CFAP20: variants seen among roughly 807,000 people sequenced by gnomAD.
CFAP20 encodes cilia and flagella associated protein 20.
CFAP20 carries 14 observed loss-of-function variants against 25.5 expected under a neutral mutation model. The observed-to-expected ratio is 0.55, with a 90% confidence interval of 0.36 to 0.86. CFAP20 has a LOEUF of 0.86. CFAP20 is among the 40% of genes least tolerant of loss of function. The pLI is 0.01. For missense variants in CFAP20, 181 were observed against 248.0 expected (o/e 0.73, Z 1.81); for synonymous variants, 75 against 91.1 (o/e 0.82, Z 1.01).
chr16:58,122,465 C>T (rs1384482581), intron 1 of CFAP20, among the ~76,000 whole-genome samples: 1 of 151,986 alleles, frequency 6.6e-6, no homozygotes, highest in African/African-American at 2.4e-5. Flanking sequence ...GCCTGTAATC[C>T]CAGCTACTCA....
Position 58,129,056 on chromosome 16 carries a change from C to G in CFAP20, c.60G>C (p.Lys20Asn). ...CCTTTTTGTCCCAGATTTGCAGAGG[C>G]TTGCTGCCGATGCTGTAGAGGATGG... ...FLSILYSIGS[K>N]PLQIWDKKVR... Residue 20 changes from lysine (K) to asparagine (N), a missense_variant, in exon 1 of 6, where the codon AAG becomes AAC. Physicochemically the swap from Lys to Asn is moderately conservative, Grantham distance 94. Coordinates refer to ENST00000262498, the MANE Select transcript of CFAP20 (RefSeq NM_013242.3). 1 of 1,613,172 alleles carries G rather than the reference C, an allele frequency of 6.2e-7. No individual in the cohort carries two copies. Among genetic ancestry groups the G allele is most frequent in the Non-Finnish European group, 8.5e-7 (1 of 1,179,750 alleles).
In CFAP20 at chr16:58,115,290, G is replaced by A; in HGVS notation, c.444C>T (p.Tyr148=). ...DFTRRAYGTN[Y]IETLRVQIHA... is the part of the protein sequence containing the mutation. Reference sequence around the variant, plus strand: ...GTACCTGCACTCTGAGGGTCTCGATGTAATTGGTGCCGTATGCTCGCCGTG... The same window carrying A: ...GTACCTGCACTCTGAGGGTCTCGATATAATTGGTGCCGTATGCTCGCCGTG... Residue 148 remains tyrosine (Y), a synonymous_variant, in exon 4 of 6, where the codon TAC becomes TAT. Transcript: ENST00000262498. The A allele has an allele frequency of 1.9e-6, 3 of 1,614,226 alleles. No individual in the cohort carries two copies. The highest frequency in any genetic ancestry group is 8.5e-7 in the Non-Finnish European group (1 of 1,180,030).
intron 1 of CFAP20, 50 bp from the exon 2 acceptor site, chr16:58,117,001 T>G: frequency 1.3e-6 from 2 of 1,564,330 alleles, no homozygotes; most frequent in Non-Finnish European, 1.8e-6. Flanking sequence ...CAAGGCTGAA[T>G]AGGACTATTT....
chr16:58,124,867 T>G (rs899075296), intron 1 of CFAP20, among the ~76,000 whole-genome samples: 1 of 152,206 alleles, frequency 6.6e-6, no homozygotes, highest in Non-Finnish European at 1.5e-5. Context: ...GCTTTAGTTA[T>G]TTAGTTAGTG....
Position 58,116,160 on chromosome 16 carries a change from G to C in CFAP20, c.165-8C>G, listed in dbSNP as rs1567446913. On this transcript the variant is annotated splice_polypyrimidine_tract_variant and splice_region_variant and intron_variant, in intron 2 of 5. Coordinates refer to ENST00000262498, the MANE Select transcript of CFAP20 (RefSeq NM_013242.3). ...CATGTGATATATGTGGTGCTGTAGA[G>C]AGAGGAAATACTAATAAACACACTC... The C allele has an allele frequency of 6.3e-7, 1 of 1,581,724 alleles. No individual in the cohort carries two copies. Among genetic ancestry groups the C allele is most frequent in the Non-Finnish European group, 8.7e-7 (1 of 1,150,874 alleles).
At chr16:58,126,243 A>C (rs1960608696) in intron 1 of CFAP20, among the ~76,000 whole-genome samples, 1 of 152,206 alleles carries the variant, frequency 6.6e-6, no homozygotes, top group Non-Finnish European at 1.5e-5. Flanking sequence ...AGCCACAGGC[A>C]CACCCATGAG....
At chr16:58,126,306 G>A (rs1960609806) in intron 1 of CFAP20, among the ~76,000 whole-genome samples, 1 of 152,182 alleles carries the variant, frequency 6.6e-6, no homozygotes, top group Admixed American at 6.5e-5. Context: ...TTGGAAGGAT[G>A]AGATGGAGGG....
chr16:58,126,897 T>G (rs1469981525), intron 1 of CFAP20, among the ~76,000 whole-genome samples: 1 of 152,216 alleles, frequency 6.6e-6, no homozygotes. Flanking sequence ...TTCTTCTCTT[T>G]CCTTCCCTTG....
chr16:58,118,497 A>C (rs1450160105), intron 1 of CFAP20, among the ~76,000 whole-genome samples: 4 of 150,704 alleles, frequency 2.7e-5, no homozygotes, highest in Non-Finnish European at 4.4e-5. Context: ...TCTCAAAAAA[A>C]ACAAAACAAA....
At chr16:58,115,689 A>G in intron 3 of CFAP20, 1 of 588,814 alleles carries the variant, frequency 1.7e-6, no homozygotes. Flanking sequence ...TAACACAGTC[A>G]GCAGGCTCTC....
intron 2 of CFAP20, 101 bp from the exon 3 acceptor site, chr16:58,116,253 G>T: frequency 1.2e-6 from 1 of 811,154 alleles, no homozygotes; most frequent in Non-Finnish European, 1.9e-6. Context: ...CTGGAAAGCA[G>T]ATCTAAAAGA....
At chr16:58,128,898 G>C in intron 1 of CFAP20, 134 bp downstream of exon 1, 2 of 770,134 alleles carry the variant, frequency 2.6e-6, no homozygotes, top group East Asian at 4.0e-5. Context: ...CCGCCAGGCT[G>C]GGGACAAGGC....
chr16:58,116,816 G>T lies in CFAP20; in HGVS notation c.164+56C>A, dbSNP rs924762364. On this transcript the variant is annotated intron_variant, in intron 2 of 5. Coordinates refer to ENST00000262498, the MANE Select transcript of CFAP20 (RefSeq NM_013242.3). ...CGCAGTCTGTGCTATTAACCTCTATGACGTACTGCCTCCCTAGTATATGAT... is the reference window on the plus strand; with the variant it reads ...CGCAGTCTGTGCTATTAACCTCTATTACGTACTGCCTCCCTAGTATATGAT... 4 of 1,500,206 alleles carry T rather than the reference G, an allele frequency of 2.7e-6. No individual in the cohort carries two copies. In the African/African-American group the frequency reaches 4.1e-5, roughly 16 times the overall value. 92.9% of individuals were successfully genotyped at this position (1,500,206 alleles called of 1,614,324 possible).
At chr16:58,123,507 A>G (rs1960565346) in intron 1 of CFAP20, among the ~76,000 whole-genome samples, 1 of 141,704 alleles carries the variant, frequency 7.1e-6, no homozygotes, top group African/African-American at 2.6e-5. Flanking sequence ...GAGGCAGGAG[A>G]ATGGCGTGAA....
chr16:58,115,626 G>T, intron 3 of CFAP20, 169 bp from the exon 4 acceptor site: 1 of 725,784 alleles, frequency 1.4e-6, no homozygotes, highest in Non-Finnish European at 2.2e-6. Context: ...TGGCCCGGAA[G>T]TAGCAAGTTT....
At chr16:58,124,404 T>C (rs547049589) in intron 1 of CFAP20, among the ~76,000 whole-genome samples, 1 of 152,320 alleles carries the variant, frequency 6.6e-6, no homozygotes, top group East Asian at 1.9e-4. Flanking sequence ...TGCTTAAGGA[T>C]GGGATTACGT....
chr16:58,114,992 C>A, intron 4 of CFAP20, 72 bp from the exon 5 acceptor site: 2 of 1,365,894 alleles, frequency 1.5e-6, no homozygotes, highest in Non-Finnish European at 2.1e-6. Flanking sequence ...CTTCTAGAGG[C>A]CCTCTTCCAG....
intron 2 of CFAP20, 53 bp downstream of exon 2, chr16:58,116,819 G>A (rs111955536): frequency 1.3e-5 from 20 of 1,512,248 alleles, no homozygotes; most frequent in Middle Eastern, 1.7e-4. Context: ...CCTCTATGAC[G>A]TACTGCCTCC....
intron 5 of CFAP20, 57 bp from the exon 6 acceptor site, chr16:58,114,087 C>T (rs534080716): frequency 6.4e-7 from 1 of 1,569,816 alleles, no homozygotes; most frequent in East Asian, 2.2e-5. Context: ...AATAGATGGT[C>T]AGTGTCACAG....
Sources: gnomAD v4.1 joint callset for allele counts (sites outside exome capture counted in the v4.1 genomes callset) on GRCh38, gnomAD v4.1.1 for gene constraint, MANE v1.5 for transcripts, NCBI Gene and HGNC (gene_info 2026-07-23, HGNC 2026-07-21) for gene names.